Variants in CTNNA3 observed in about 807,000 individuals in gnomAD.
The protein encoded by CTNNA3 is catenin alpha-3.
In CTNNA3, 76 loss-of-function variants were observed where a neutral mutation model predicts 95.7. The observed-to-expected ratio is 0.79, with a 90% CI of 0.66 to 0.96. CTNNA3 has a LOEUF of 0.96. Among genes scored for constraint, CTNNA3 ranks in the 40% least tolerant of loss-of-function variants. CTNNA3 has a pLI of 0.00. For synonymous variants in CTNNA3, 431 were observed against 374.4 expected (o/e 1.15, Z -1.74); for missense variants, 1,191 against 1,089.8 (o/e 1.09, Z -1.31).
At chr10:67,042,970 G>A (rs1854500528) in intron 7 of CTNNA3, among the ~76,000 whole-genome samples, 1 of 152,038 alleles carries the variant, frequency 6.6e-6, no homozygotes, top group Non-Finnish European at 1.5e-5. Flanking sequence ...TGAGCAGCTA[G>A]GTCTCCATAC....
At chr10:66,329,831 A>G (rs1310738556) in intron 12 of CTNNA3, among the ~76,000 whole-genome samples, 2 of 152,138 alleles carry the variant, frequency 1.3e-5, no homozygotes, top group African/African-American at 2.4e-5. Flanking sequence ...TAAGTCATGA[A>G]GCTCAAGTAA....
Position 67,150,317 on chromosome 10 carries a change from G to A in CTNNA3, c.1047+30000C>T, listed in dbSNP as rs180910103. On this transcript the variant is annotated intron_variant, in intron 7 of 17. Transcript: ENST00000433211. The stretch of plus-strand genomic sequence containing the variant: ...TAATTTGTCTGAAATGAATTACCTT[G>A]AATATACTTAAGACATATGCTGTAT... 1.2e-4 allele frequency among the ~76,000 whole-genome samples: 19 copies of A among 152,154 alleles called. No homozygotes were observed. In the East Asian group the frequency reaches 3.7e-3, roughly 29 times the overall value.
intron 11 of CTNNA3, among the ~76,000 whole-genome samples, chr10:66,494,337 A>C (rs1840032419): frequency 6.6e-6 from 1 of 152,254 alleles, no homozygotes; most frequent in African/African-American, 2.4e-5. Context: ...GTTGAAGATT[A>C]AAGTAATGTG....
intron 12 of CTNNA3, among the ~76,000 whole-genome samples, chr10:66,329,111 C>G (rs117993963): frequency 0.061 from 9,232 of 151,094 alleles, 447 homozygotes; most frequent in East Asian, 0.1. Flanking sequence ...CCATCACACT[C>G]TGCTAATTTT....
chr10:66,216,499 T>G (rs1037986), intron 13 of CTNNA3, among the ~76,000 whole-genome samples: 150,066 of 152,288 alleles, frequency 0.99, 73,960 homozygotes, highest in East Asian at 1. Context: ...AATTTGCACA[T>G]ATCTAGCTAT....
intron 11 of CTNNA3, among the ~76,000 whole-genome samples, chr10:66,457,729 C>G (rs576207269): frequency 2.0e-5 from 3 of 151,986 alleles, no homozygotes; most frequent in African/African-American, 7.3e-5. Context: ...CCCCTTATCT[C>G]AAAGGATGAC....
intron 2 of CTNNA3, among the ~76,000 whole-genome samples, chr10:67,639,727 A>T (rs1245800526): frequency 1.3e-5 from 2 of 152,218 alleles, no homozygotes; most frequent in African/African-American, 4.8e-5. Flanking sequence ...AATGTAATTC[A>T]GCATATAAAC....
intron 11 of CTNNA3, among the ~76,000 whole-genome samples, chr10:66,389,732 AG>A (rs2092921519): frequency 3.1e-5 from 1 of 31,902 alleles, no homozygotes; most frequent in Admixed American, 2.3e-4. Context: ...ATGGAGAGAG[AG>A]AGAGAGAGAG....
intron 3 of CTNNA3, among the ~76,000 whole-genome samples, chr10:67,602,361 C>T (rs1252359255): frequency 2.0e-5 from 3 of 152,182 alleles, no homozygotes; most frequent in Non-Finnish European, 4.4e-5. Flanking sequence ...CCCTACTATC[C>T]ATAGGATAAT....
At chr10:66,741,867 T>C (rs1160041100) in intron 9 of CTNNA3, among the ~76,000 whole-genome samples, 1 of 152,206 alleles carries the variant, frequency 6.6e-6, no homozygotes, top group Admixed American at 6.5e-5. Context: ...TGCCTGTCTT[T>C]ACTTTAGTCT....
intron 11 of CTNNA3, among the ~76,000 whole-genome samples, chr10:66,392,084 T>C (rs1337233222): frequency 6.6e-6 from 1 of 151,800 alleles, no homozygotes; most frequent in Non-Finnish European, 1.5e-5. Flanking sequence ...AAAAAATGAA[T>C]ACATTGGACT....
At position 66,659,558 on chromosome 10, in the gene CTNNA3, T is replaced by C. The variant is rs1846186317; in HGVS notation, c.1282-37774A>G. Reference sequence around the variant, plus strand: ...GGAGCTGCTATGGTCTGAATGCTTGTTTTTTTACAAATATTCATATGTTTA... The same window carrying C: ...GGAGCTGCTATGGTCTGAATGCTTGCTTTTTTACAAATATTCATATGTTTA... On this transcript the variant is annotated intron_variant, in intron 9 of 17. Coordinates refer to ENST00000433211, the MANE Select transcript of CTNNA3 (RefSeq NM_013266.4). Among the ~76,000 whole-genome samples, 4 of 152,206 alleles carry C rather than the reference T, an allele frequency of 2.6e-5. No individual in the cohort carries two copies. The South Asian group carries it at 6.2e-4, about 24-fold the overall frequency.
chr10:67,301,809 A>C (rs1840287639), intron 5 of CTNNA3, among the ~76,000 whole-genome samples: 1 of 152,006 alleles, frequency 6.6e-6, no homozygotes, highest in African/African-American at 2.4e-5. Context: ...TCTACTAAAA[A>C]TACACAAAAA....
intron 17 of CTNNA3, among the ~76,000 whole-genome samples, chr10:65,936,862 T>C (rs916627623): frequency 1.3e-5 from 2 of 152,052 alleles, no homozygotes; most frequent in Non-Finnish European, 2.9e-5. Flanking sequence ...AATTATACGG[T>C]TATATATTTA....
At chr10:66,607,472 C>CAAAAAAAA (rs574854850) in intron 10 of CTNNA3, among the ~76,000 whole-genome samples, 56 of 45,160 alleles carry the variant, frequency 1.2e-3, no homozygotes, top group East Asian at 1.9e-3. Flanking sequence ...CAGAGACAAC[C>CAAAAAAAA]AAAAAAAAAA....
At chr10:66,313,554 T>C (rs1180015150) in intron 12 of CTNNA3, among the ~76,000 whole-genome samples, 1 of 152,168 alleles carries the variant, frequency 6.6e-6, no homozygotes, top group Admixed American at 6.5e-5. Flanking sequence ...CTCCTTCTCC[T>C]CTTAACTCTC....
intron 13 of CTNNA3, among the ~76,000 whole-genome samples, chr10:66,121,289 A>G (rs1384805887): frequency 6.6e-6 from 1 of 152,244 alleles, no homozygotes; most frequent in African/African-American, 2.4e-5. Flanking sequence ...GAAGTTAACA[A>G]TCACTAAATG....
intron 7 of CTNNA3, among the ~76,000 whole-genome samples, chr10:66,984,081 T>A (rs571382116): frequency 6.6e-6 from 1 of 152,316 alleles, no homozygotes; most frequent in South Asian, 2.1e-4. Context: ...AGAGCCTGTG[T>A]TCATTCCATC....
chr10:66,720,974 CA>C (rs1848610790), intron 9 of CTNNA3, among the ~76,000 whole-genome samples: 1 of 152,200 alleles, frequency 6.6e-6, no homozygotes, highest in Non-Finnish European at 1.5e-5. Flanking sequence ...CTGGGCTAAA[CA>C]AAAGAGGCCC....
Sources: allele counts gnomAD v4.1 joint callset (sites outside exome capture counted in the v4.1 genomes callset), GRCh38; gene constraint gnomAD v4.1.1; transcripts MANE v1.5; gene names NCBI Gene and HGNC (gene_info 2026-07-23, HGNC 2026-07-21).